The following STAU1 variants were observed in gnomAD, a reference collection of about 807,000 sequenced individuals.
STAU1 encodes the protein double-stranded RNA-binding protein Staufen homolog 1.
In STAU1, 13 loss-of-function variants were observed where a neutral mutation model predicts 62.9. That is an observed-to-expected ratio of 0.21 (90% CI 0.13 to 0.33). STAU1 has a LOEUF of 0.33. STAU1 is among the 10% of genes least tolerant of loss of function. The pLI is 1.00. For missense variants in STAU1, 571 were observed against 712.1 expected (o/e 0.80, Z 2.25); for synonymous variants, 269 against 265.1 (o/e 1.01, Z -0.14).
the STAU1 span, among the ~76,000 whole-genome samples, chr20:49,200,389 G>C: frequency 6.6e-6 from 1 of 152,112 alleles, no homozygotes; most frequent in African/African-American, 2.4e-5. Context: ...ACAAGGTCAG[G>C]AAATCGAGAC....
chr20:49,193,041 A>G (rs1425850286), upstream of STAU1, among the ~76,000 whole-genome samples: 1 of 152,238 alleles, frequency 6.6e-6, no homozygotes, highest in Non-Finnish European at 1.5e-5. Flanking sequence ...AGATATTTCC[A>G]GATAGACACA....
the STAU1 span, among the ~76,000 whole-genome samples, chr20:49,201,549 C>T: frequency 6.6e-6 from 1 of 151,698 alleles, no homozygotes; most frequent in South Asian, 2.1e-4. Context: ...CAAGAGCACC[C>T]TGGCCAATAT....
At chr20:49,213,106 G>A in the STAU1 span, among the ~76,000 whole-genome samples, 1 of 151,914 alleles carries the variant, frequency 6.6e-6, no homozygotes, top group Non-Finnish European at 1.5e-5. Context: ...CCTGGGCTCA[G>A]GCAATCCTCC....
chr20:49,197,483 C>A, the STAU1 span, among the ~76,000 whole-genome samples: 659 of 151,336 alleles, frequency 4.4e-3, 6 homozygotes, highest in African/African-American at 0.015. Context: ...CTCACTCCAC[C>A]TCTGCCTGCC....
intron 1 of STAU1, among the ~76,000 whole-genome samples, chr20:49,175,422 A>C (rs529967844): frequency 6.6e-6 from 1 of 152,124 alleles, no homozygotes; most frequent in African/African-American, 2.4e-5. Flanking sequence ...TTCCTTTTCC[A>C]GTCCCAATTA....
At chr20:49,214,086 C>T in the STAU1 span, among the ~76,000 whole-genome samples, 2 of 152,060 alleles carry the variant, frequency 1.3e-5, no homozygotes, top group South Asian at 2.1e-4. Flanking sequence ...GTGATGCACC[C>T]CTGTAATCCC....
upstream of STAU1, among the ~76,000 whole-genome samples, chr20:49,190,617 A>G (rs1433969953): frequency 2.0e-5 from 3 of 152,114 alleles, no homozygotes; most frequent in East Asian, 5.8e-4. Flanking sequence ...ATACCTGACC[A>G]GGAGTAGGTC....
At chr20:49,156,859 T>G (rs756410680) in intron 3 of STAU1, among the ~76,000 whole-genome samples, 4 of 145,304 alleles carry the variant, frequency 2.8e-5, no homozygotes, top group Non-Finnish European at 6.0e-5. Flanking sequence ...AAAAAGAGAT[T>G]GTGTGTGTAT....
At chr20:49,168,622 C>A (rs1463635415) in intron 2 of STAU1, among the ~76,000 whole-genome samples, 1 of 151,940 alleles carries the variant, frequency 6.6e-6, no homozygotes, top group Non-Finnish European at 1.5e-5. Context: ...ACAATACTCA[C>A]AAATTATTAG....
At chr20:49,123,869 A>T (rs900559179) in intron 7 of STAU1, among the ~76,000 whole-genome samples, 4 of 152,238 alleles carry the variant, frequency 2.6e-5, no homozygotes, top group African/African-American at 9.6e-5. Context: ...TCCCCATGGA[A>T]TTATGTCCCC....
intron 13 of STAU1, 27 bp from the exon 14 acceptor site, chr20:49,114,920 A>G: frequency 6.2e-7 from 1 of 1,610,994 alleles, no homozygotes; most frequent in Admixed American, 1.7e-5. Context: ...TGAAAATGAC[A>G]CTAGTTTTGA....
chr20:49,218,760 G>T, the STAU1 span, among the ~76,000 whole-genome samples: 84 of 151,546 alleles, frequency 5.5e-4, no homozygotes, highest in Non-Finnish European at 8.0e-4. Context: ...AAAGTTTCGG[G>T]GCTGTGCGCA....
chr20:49,191,719 G>T (rs187045975), upstream of STAU1, among the ~76,000 whole-genome samples: 4 of 152,160 alleles, frequency 2.6e-5, no homozygotes, highest in South Asian at 4.1e-4. Flanking sequence ...CACTCCTAGG[G>T]ATATATCAGA....
chr20:49,136,003 G>A, intron 5 of STAU1, 72 bp from the exon 6 acceptor site: 2 of 1,193,826 alleles, frequency 1.7e-6, no homozygotes, highest in Non-Finnish European at 2.4e-6. Context: ...GTTCATGCTT[G>A]TAATCCCAGC....
intron 5 of STAU1, among the ~76,000 whole-genome samples, chr20:49,149,388 C>T (rs348278): frequency 0.12 from 18,834 of 151,862 alleles, 1,857 homozygotes; most frequent in African/African-American, 0.28. Context: ...ATTCCTGGGT[C>T]TCACCCTACA....
At chr20:49,164,998 T>C (rs1239183984) in intron 3 of STAU1, among the ~76,000 whole-genome samples, 1 of 152,102 alleles carries the variant, frequency 6.6e-6, no homozygotes, top group African/African-American at 2.4e-5. Flanking sequence ...AAAGAAGGCT[T>C]ATGTAGATTT....
the STAU1 span, among the ~76,000 whole-genome samples, chr20:49,200,317 G>A: frequency 6.6e-5 from 10 of 152,242 alleles, no homozygotes; most frequent in Admixed American, 6.5e-5. Context: ...GAACAGGAGC[G>A]GCCAGGTGCG....
intron 6 of STAU1, among the ~76,000 whole-genome samples, chr20:49,128,485 G>A (rs1176692021): frequency 2.0e-5 from 3 of 152,162 alleles, no homozygotes; most frequent in Non-Finnish European, 4.4e-5. Context: ...CTTCTTGGAG[G>A]AATGGCCAAG....
intron 7 of STAU1, 123 bp from the exon 8 acceptor site, chr20:49,123,358 T>C: frequency 1.2e-5 from 13 of 1,111,368 alleles, no homozygotes; most frequent in Non-Finnish European, 1.7e-5. Flanking sequence ...CAGAATTCGA[T>C]TTTTTTTAAT....
Sources: allele counts gnomAD v4.1 joint callset (sites outside exome capture counted in the v4.1 genomes callset), GRCh38; gene constraint gnomAD v4.1.1; transcripts MANE v1.5; gene names NCBI Gene and HGNC (gene_info 2026-07-23, HGNC 2026-07-21).